CTNNA2: variants seen among roughly 807,000 people sequenced by gnomAD.
CTNNA2 encodes catenin alpha-2.
CTNNA2 carries 42 observed loss-of-function variants against 101.0 expected under a neutral mutation model. The ratio of observed to expected loss-of-function variants is 0.42; its 90% confidence interval spans 0.32 to 0.54. The LOEUF is 0.54. Ranked by LOEUF, CTNNA2 falls within the 20% of genes least tolerant of loss-of-function variation. CTNNA2 has a pLI of 0.14. For synonymous variants in CTNNA2, 450 were observed against 456.4 expected (o/e 0.99, Z 0.18); for missense variants, 871 against 1,223.1 (o/e 0.71, Z 4.29).
At chr2:80,460,877 A>G (rs1017986183) in intron 9 of CTNNA2, among the ~76,000 whole-genome samples, 11 of 152,134 alleles carry the variant, frequency 7.2e-5, no homozygotes, top group African/African-American at 1.9e-4. Context: ...TCATCCCCCA[A>G]GTTTCTGATT....
At chr2:80,484,850 C>CA (rs752647817) in intron 9 of CTNNA2, among the ~76,000 whole-genome samples, 2 of 151,910 alleles carry the variant, frequency 1.3e-5, no homozygotes, top group Non-Finnish European at 2.9e-5. Context: ...ACTGAAAATA[C>CA]AAAAAATTAG....
intron 7 of CTNNA2, among the ~76,000 whole-genome samples, chr2:80,210,988 G>T (rs1479971127): frequency 6.6e-6 from 1 of 152,146 alleles, no homozygotes; most frequent in Non-Finnish European, 1.5e-5. Context: ...ATTTTTTCAT[G>T]TGTCTGTTGG....
In CTNNA2 at chr2:80,308,579, G is replaced by T. The variant is rs187725811; in HGVS notation, c.1057-84632G>T. Among the ~76,000 whole-genome samples the T allele has an allele frequency of 4.4e-3, 670 of 152,200 alleles. 4 individuals are homozygous for T. The highest frequency in any genetic ancestry group is 0.015 in the African/African-American group (635 of 41,498). ...AAGGTGCATGGAGAGGCTGAGGGTG[G>T]GGGCCCCAAGGCTGCTCTCAGGAGA... is the stretch of plus-strand genomic sequence containing the variant. On this transcript the variant is annotated intron_variant, in intron 7 of 18. Transcript: ENST00000402739.
At chr2:80,188,690 A>T (rs1156827875) in intron 7 of CTNNA2, among the ~76,000 whole-genome samples, 3 of 152,166 alleles carry the variant, frequency 2.0e-5, no homozygotes, top group Non-Finnish European at 4.4e-5. Flanking sequence ...ACTGTTGTCT[A>T]TCCTGTTCAC....
chr2:80,454,025 GA>G (rs199995593), intron 9 of CTNNA2, among the ~76,000 whole-genome samples: 1 of 147,196 alleles, frequency 6.8e-6, no homozygotes, highest in East Asian at 2.0e-4. Context: ...TTGAGAAAAA[GA>G]AAAAAAAAGA....
intron 7 of CTNNA2, among the ~76,000 whole-genome samples, chr2:79,915,806 T>G (rs1486083396): frequency 6.6e-6 from 1 of 151,640 alleles, no homozygotes; most frequent in Non-Finnish European, 1.5e-5. Context: ...CTATCAGAAT[T>G]TATTTAAGTT....
At chr2:79,702,172 G>A (rs1243340466) in intron 2 of CTNNA2, among the ~76,000 whole-genome samples, 1 of 151,876 alleles carries the variant, frequency 6.6e-6, no homozygotes, top group Non-Finnish European at 1.5e-5. Context: ...AGTGCAAACT[G>A]TGATCTGTGG....
chr2:80,171,412 T>C (rs956421099), intron 7 of CTNNA2, among the ~76,000 whole-genome samples: 4 of 152,212 alleles, frequency 2.6e-5, no homozygotes, highest in African/African-American at 7.2e-5. Context: ...GAATTGGAGA[T>C]GGACAGCAAG....
intron 14 of CTNNA2, among the ~76,000 whole-genome samples, chr2:80,587,701 A>G (rs546548268): frequency 1.3e-5 from 2 of 152,320 alleles, no homozygotes; most frequent in South Asian, 4.1e-4. Context: ...TAATTTAGGA[A>G]GCATTTTTCT....
chr2:80,066,396 A>T (rs1457096874), intron 7 of CTNNA2, among the ~76,000 whole-genome samples: 1 of 152,218 alleles, frequency 6.6e-6, no homozygotes, highest in African/African-American at 2.4e-5. Flanking sequence ...TCAATAGCAC[A>T]AAAACAAATA....
rs1185087769 is a variant in CTNNA2, at chr2:80,619,188, AGGGAGCTCCGATC to A, written c.2540_2552del (p.Ala847ValfsTer22). ...TCTACCCACCTCCCAACCTGTGCTG[AGGGAGCTCCGATC>A]GGGAGTGGAAGCAGTGATTCCTCCA... On this transcript the variant is annotated frameshift_variant, in exon 18 of 19. Coordinates refer to ENST00000402739, the MANE Select transcript of CTNNA2 (RefSeq NM_001282597.3). LOFTEE classifies it high-confidence loss of function. 1 of 1,587,512 alleles carries A rather than the reference AGGGAGCTCCGATC, an allele frequency of 6.3e-7. No individual in the cohort carries two copies.
intron 17 of CTNNA2, among the ~76,000 whole-genome samples, chr2:80,609,533 A>T (rs1698288892): frequency 6.6e-6 from 1 of 151,738 alleles, no homozygotes; most frequent in African/African-American, 2.4e-5. Flanking sequence ...AACCAAGAGC[A>T]ATCTGTCTTG....
intron 2 of CTNNA2, among the ~76,000 whole-genome samples, chr2:79,676,242 A>G (rs991078916): frequency 6.6e-5 from 10 of 152,354 alleles, no homozygotes; most frequent in African/African-American, 2.2e-4. Context: ...TAGTGGATCA[A>G]GAACTGTAAG....
chr2:79,358,411 G>A (rs1405265281), intron 3 of CTNNA2, among the ~76,000 whole-genome samples: 2 of 152,052 alleles, frequency 1.3e-5, no homozygotes, highest in African/African-American at 2.4e-5. Flanking sequence ...TGTTGGCCAG[G>A]CTGATCTCGA....
intron 7 of CTNNA2, among the ~76,000 whole-genome samples, chr2:80,171,062 A>AG (rs1705018869): frequency 1.3e-5 from 2 of 152,204 alleles, no homozygotes; most frequent in Non-Finnish European, 2.9e-5. Context: ...CTGAAAAAGG[A>AG]GAGATTTTTT....
At chr2:79,795,467 G>A (rs1573988730) in intron 3 of CTNNA2, among the ~76,000 whole-genome samples, 1 of 151,904 alleles carries the variant, frequency 6.6e-6, no homozygotes, top group South Asian at 2.1e-4. Flanking sequence ...AAATTAGCTT[G>A]CAAAATTTAA....
intron 7 of CTNNA2, among the ~76,000 whole-genome samples, chr2:79,956,472 A>G (rs1437115488): frequency 3.3e-5 from 5 of 152,096 alleles, no homozygotes; most frequent in African/African-American, 1.2e-4. Context: ...ACAACTTTTA[A>G]GAACCATTCC....
chr2:79,213,996 TG>T (rs534433968), intron 2 of CTNNA2, among the ~76,000 whole-genome samples: 115 of 152,094 alleles, frequency 7.6e-4, no homozygotes, highest in Non-Finnish European at 1.3e-3. Context: ...CACTACAGGG[TG>T]GGGTCCTGGC....
intron 2 of CTNNA2, among the ~76,000 whole-genome samples, chr2:79,260,723 T>G (rs1674910354): frequency 6.6e-6 from 1 of 152,180 alleles, no homozygotes; most frequent in Non-Finnish European, 1.5e-5. Flanking sequence ...TTCAGTTTCA[T>G]CATGGCTTAC....
Sources: allele counts gnomAD v4.1 joint callset (sites outside exome capture counted in the v4.1 genomes callset), GRCh38; gene constraint gnomAD v4.1.1; transcripts MANE v1.5; gene names NCBI Gene and HGNC (gene_info 2026-07-23, HGNC 2026-07-21).